Variants in ZNF33B observed in about 807,000 individuals in gnomAD.
The protein encoded by ZNF33B is zinc finger protein 11b (KOX 2).
Under a neutral mutation model 45.8 loss-of-function variants are expected in ZNF33B, and 29 were observed. The observed-to-expected ratio is 0.63, with a 90% CI of 0.47 to 0.86. The LOEUF (loss-of-function observed/expected upper bound fraction) is 0.86, where lower values mean the gene tolerates loss of function less well. ZNF33B is among the 40% of genes least tolerant of loss of function. The pLI, the probability that ZNF33B is intolerant of heterozygous loss-of-function variation, is 0.00. For synonymous variants in ZNF33B, 305 were observed against 307.8 expected (o/e 0.99, Z 0.10); for missense variants, 831 against 909.9 (o/e 0.91, Z 1.12).
At chr10:42,611,278 T>C (rs979012251) in intron 4 of ZNF33B, among the ~76,000 whole-genome samples, 1 of 152,066 alleles carries the variant, frequency 6.6e-6, no homozygotes, top group African/African-American at 2.4e-5. Flanking sequence ...GGGGCAGAAG[T>C]TGCAGTGAGC....
intron 2 of ZNF33B, among the ~76,000 whole-genome samples, chr10:42,635,602 G>C (rs1375023129): frequency 1.3e-5 from 2 of 151,814 alleles, no homozygotes; most frequent in Non-Finnish European, 2.9e-5. Flanking sequence ...ATGAAGTCAG[G>C]AGACTGAGAC....
Position 42,593,051 on chromosome 10 carries a change from C to T in ZNF33B, c.1899G>A (p.Gly633=). ...ACTCATTACATTCATAGGGTTTCTCCCCTATGTGAATTCTCTGATGCTGAG... is the reference window on the plus strand; with the variant it reads ...ACTCATTACATTCATAGGGTTTCTCTCCTATGTGAATTCTCTGATGCTGAG... ...QLTQHQRIHI[G]EKPYECNECG... is the part of the protein sequence containing the mutation. The change falls in exon 5 of 5, where the codon GGG becomes GGA. Residue 633 remains glycine (G), a synonymous_variant. Coordinates refer to ENST00000359467, the MANE Select transcript of ZNF33B (RefSeq NM_006955.3). The T allele has an allele frequency of 6.2e-7, 1 of 1,613,776 alleles. No homozygotes were observed. Among genetic ancestry groups the T allele is most frequent in the East Asian group, 2.2e-5 (1 of 44,828 alleles).
At chr10:42,638,052 A>T (rs1030761357) in intron 1 of ZNF33B, among the ~76,000 whole-genome samples, 1 of 152,258 alleles carries the variant, frequency 6.6e-6, no homozygotes, top group African/African-American at 2.4e-5. Context: ...ACTGGAGGGC[A>T]GTTCGAAACC....
At chr10:42,575,465 G>GC (rs978695326) in intron 1 of ZNF33B, among the ~76,000 whole-genome samples, 7 of 151,982 alleles carry the variant, frequency 4.6e-5, no homozygotes, top group African/African-American at 1.7e-4. Flanking sequence ...AGACATTTCT[G>GC]TTTTTTTAAC....
chr10:42,605,261 A>AT (rs1226796192), intron 4 of ZNF33B: 93 of 103,570 alleles, frequency 9.0e-4, no homozygotes, highest in African/African-American at 2.9e-3. Context: ...GCTGCATTAA[A>AT]TTTAAAAAAA....
At chr10:42,611,885 C>T (rs1248491741) in intron 4 of ZNF33B, among the ~76,000 whole-genome samples, 2 of 152,194 alleles carry the variant, frequency 1.3e-5, no homozygotes, top group Non-Finnish European at 2.9e-5. Flanking sequence ...GCAATCATGC[C>T]TGTACAAACA....
In ZNF33B at chr10:42,591,841, G is replaced by C; in HGVS notation, c.*772C>G. On this transcript the variant is annotated 3_prime_UTR_variant, in exon 5 of 5. Transcript: ENST00000359467. ...TAAATCCTGATTCCTTTGTAATCCT[G>C]AAACAGTACAGATCTCAGACTCCTT... 6.6e-6 allele frequency: 1 copy of C among 152,466 alleles called. No individual in the cohort carries two copies. Among genetic ancestry groups the C allele is most frequent in the Admixed American group, 6.5e-5 (1 of 15,268 alleles). 9.4% of individuals were successfully genotyped at this position (152,466 alleles called of 1,614,324 possible). A position where few individuals can be genotyped will look rare whatever the true frequency, so the allele number is the denominator to read the frequency against.
chr10:42,584,788 T>G (rs1220137060), downstream of ZNF33B, among the ~76,000 whole-genome samples: 1 of 152,232 alleles, frequency 6.6e-6, no homozygotes, highest in Non-Finnish European at 1.5e-5. Context: ...CCCAAAGTGC[T>G]GGGACTACAG....
chr10:42,621,419 C>A (rs1211614149), intron 4 of ZNF33B, among the ~76,000 whole-genome samples: 1 of 151,884 alleles, frequency 6.6e-6, no homozygotes, highest in Non-Finnish European at 1.5e-5. Context: ...CATACACACA[C>A]ACACAAATAC....
chr10:42,611,946 T>C (rs1321981726), intron 4 of ZNF33B, among the ~76,000 whole-genome samples: 2 of 152,316 alleles, frequency 1.3e-5, no homozygotes, highest in East Asian at 3.9e-4. Context: ...TATTTTGTTG[T>C]CTTATGGCAT....
intron 1 of ZNF33B, among the ~76,000 whole-genome samples, chr10:42,576,686 T>C (rs1836753186): frequency 6.6e-6 from 1 of 152,202 alleles, no homozygotes; most frequent in Admixed American, 6.5e-5. Context: ...GACTTTGCAT[T>C]TCTAAGGGGT....
chr10:42,623,481 T>C (rs1000059373), intron 4 of ZNF33B, among the ~76,000 whole-genome samples: 34 of 152,144 alleles, frequency 2.2e-4, no homozygotes, highest in African/African-American at 7.7e-4. Context: ...CATCAACAGA[T>C]GAATGGATTA....
At chr10:42,588,223 T>C (rs17516312), downstream of ZNF33B, among the ~76,000 whole-genome samples, 6,167 of 152,264 alleles carry the variant, frequency 0.041, 185 homozygotes, top group Non-Finnish European at 0.057. Flanking sequence ...AGTCAAGTCA[T>C]GCAGGGATAC....
rs753862286 is a variant in ZNF33B at position 42,593,640 on chromosome 10, C to A, written c.1310G>T (p.Gly437Val). 2.7e-5 allele frequency: 44 copies of A among 1,613,840 alleles called. No homozygotes were observed. In the Admixed American group the frequency reaches 5.5e-4, roughly 20 times the overall value. Residue 437 changes from glycine to valine, a missense_variant, in exon 5 of 5, where the codon GGG (glycine) becomes GTG (valine). Physicochemically the swap from Gly to Val is moderately radical, Grantham distance 109. Transcript: ENST00000359467. The stretch of plus-strand genomic sequence containing the variant: ...TTCATAACATTCATAGGGTTTCTGC[C>A]CTGTGTGTGTTCTCTGATGTTTAGT... ...DLTKHQRTHT[G>V]QKPYECYECG...
chr10:42,576,643 G>A (rs1836752772), intron 1 of ZNF33B, among the ~76,000 whole-genome samples: 1 of 152,158 alleles, frequency 6.6e-6, no homozygotes, highest in Non-Finnish European at 1.5e-5. Context: ...TGTAAAGTGT[G>A]AATTCTGATT....
At chr10:42,608,537 C>A (rs1462498883) in intron 4 of ZNF33B, among the ~76,000 whole-genome samples, 1 of 150,380 alleles carries the variant, frequency 6.6e-6, no homozygotes, top group South Asian at 2.1e-4. Context: ...TAATACATTC[C>A]AAAGTTAAAA....
Position 42,594,469 on chromosome 10 carries a change from T to C in ZNF33B, c.481A>G (p.Asn161Asp), listed in dbSNP as rs983468831. ...TVSELVISKI[N>D]YLGKKSDEFN... ...TCGTCAGACTTTTTTCCTAAATAGTTTATCTTACTGATAACCAATTCTGAA... is the reference window on the plus strand; with the variant it reads ...TCGTCAGACTTTTTTCCTAAATAGTCTATCTTACTGATAACCAATTCTGAA... The change falls in exon 5 of 5, where the codon AAC becomes GAC. Residue 161 changes from asparagine to aspartate, a missense_variant. By Grantham distance (23) the Asn-to-Asp change is conservative. Coordinates refer to ENST00000359467, the MANE Select transcript of ZNF33B (RefSeq NM_006955.3). 2.5e-6 allele frequency: 4 copies of C among 1,613,448 alleles called. No homozygotes were observed. Among genetic ancestry groups the C allele is most frequent in the Non-Finnish European group, 3.4e-6 (4 of 1,179,776 alleles).
chr10:42,619,450 C>T (rs1838477020), intron 4 of ZNF33B, among the ~76,000 whole-genome samples: 1 of 152,114 alleles, frequency 6.6e-6, no homozygotes, highest in Admixed American at 6.5e-5. Flanking sequence ...TAAACAAATG[C>T]TGAGTTTGTT....
intron 4 of ZNF33B, among the ~76,000 whole-genome samples, chr10:42,601,479 T>G (rs1435993210): frequency 7.9e-5 from 11 of 138,976 alleles, no homozygotes; most frequent in East Asian, 2.1e-4. Flanking sequence ...TTTTTTTTTT[T>G]TTTTTTTTTT....
Sources: gnomAD v4.1 joint callset for allele counts (sites outside exome capture counted in the v4.1 genomes callset) on GRCh38, gnomAD v4.1.1 for gene constraint, MANE v1.5 for transcripts, NCBI Gene and HGNC (gene_info 2026-07-23, HGNC 2026-07-21) for gene names.